UPRT: variants seen among roughly 807,000 people sequenced by gnomAD.
UPRT encodes RP11-311P8.3.
Under a neutral mutation model 22.6 loss-of-function variants are expected in UPRT, and 5 were observed. That is an observed-to-expected ratio of 0.22 (90% CI 0.12 to 0.47). UPRT has a LOEUF of 0.47. Ranked by LOEUF, UPRT falls within the 20% of genes least tolerant of loss-of-function variation. UPRT has a pLI of 0.99. For missense variants in UPRT, 181 were observed against 239.9 expected (o/e 0.75, Z 1.62); for synonymous variants, 77 against 87.7 (o/e 0.88, Z 0.68).
chrX:75,191,884 A>C (rs969638729), intron 4 of UPRT, among the ~76,000 whole-genome samples: 3 of 111,318 alleles, frequency 2.7e-5, no homozygotes, highest in African/African-American at 9.8e-5. Flanking sequence ...TAGGAAAGGG[A>C]ATTCCCTGAC....
At chrX:75,198,172 C>G (rs2082338038) in intron 4 of UPRT, among the ~76,000 whole-genome samples, 2 of 112,530 alleles carry the variant, frequency 1.8e-5, no homozygotes, top group South Asian at 7.2e-4. Flanking sequence ...ATAGAAGGGA[C>G]TGAATTACTG....
chrX:75,272,766 G>A (rs1053876787), upstream of UPRT, among the ~76,000 whole-genome samples: 1 of 110,114 alleles, frequency 9.1e-6, no homozygotes, highest in East Asian at 2.9e-4. Context: ...AATCTGTATA[G>A]GCATGTTAAA....
intron 4 of UPRT, among the ~76,000 whole-genome samples, chrX:75,256,987 G>T (rs1256079076): frequency 3.6e-5 from 4 of 111,906 alleles, no homozygotes; most frequent in African/African-American, 1.3e-4. Context: ...CCACAAGATA[G>T]AGAAAGAGGG....
At chrX:75,297,028 A>G (rs1383030500) in intron 3 of UPRT, among the ~76,000 whole-genome samples, 1 of 111,665 alleles carries the variant, frequency 9.0e-6, no homozygotes, top group Non-Finnish European at 1.9e-5. Context: ...GCATGTCTTA[A>G]TAACTATTTC....
intron 3 of UPRT, among the ~76,000 whole-genome samples, chrX:75,165,506 G>C (rs1450580243): frequency 1.8e-5 from 2 of 111,288 alleles, no homozygotes; most frequent in Non-Finnish European, 3.8e-5. Flanking sequence ...TTGAAACTAA[G>C]AAGAATCCAC....
chrX:75,284,289 C>G (rs904498015), intron 1 of UPRT, among the ~76,000 whole-genome samples: 6 of 111,521 alleles, frequency 5.4e-5, no homozygotes, highest in Non-Finnish European at 1.1e-4. Flanking sequence ...CTGAATTCCT[C>G]TTCAGGTAAA....
At chrX:75,207,594 T>TGAATAAGGCATGCACCTGCTGTAACCG (rs2082370461) in intron 4 of UPRT, among the ~76,000 whole-genome samples, 1 of 111,603 alleles carries the variant, frequency 9.0e-6, no homozygotes, top group South Asian at 3.8e-4. Flanking sequence ...GGGTTTCCTA[T>TGAATAAGGCATGCACCTGCTGTAACCG]GAATAAGGCA....
chrX:75,183,238 G>A (rs1051694320), intron 4 of UPRT, among the ~76,000 whole-genome samples: 1 of 110,288 alleles, frequency 9.1e-6, no homozygotes, highest in Non-Finnish European at 1.9e-5. Context: ...TGTTCTCACT[G>A]TTTAATTCCC....
chrX:75,159,860 T>G (rs1279846930), intron 1 of UPRT, among the ~76,000 whole-genome samples: 1 of 105,971 alleles, frequency 9.4e-6, no homozygotes, highest in Non-Finnish European at 1.9e-5. Flanking sequence ...CACTGCAACT[T>G]TCGCCTCCCG....
chrX:75,180,026 G>A (rs1429837093), intron 4 of UPRT, among the ~76,000 whole-genome samples: 2 of 112,781 alleles, frequency 1.8e-5, no homozygotes, highest in Non-Finnish European at 3.8e-5. Context: ...CCCAGGCAGA[G>A]GAGGTGCCAA....
chrX:75,252,597 C>G (rs1199019103), intron 4 of UPRT, among the ~76,000 whole-genome samples: 1 of 111,999 alleles, frequency 8.9e-6, no homozygotes, highest in African/African-American at 3.2e-5. Context: ...GTTGGTGGGA[C>G]TGTAAACTAG....
chrX:75,294,529 A>C, intron 2 of UPRT: 23 of 944,379 alleles, frequency 2.4e-5, no homozygotes, highest in Non-Finnish European at 3.0e-5. Flanking sequence ...GATTAAAAGG[A>C]ATGTGAAAAA....
At chrX:75,191,821 A>C (rs766118204) in intron 4 of UPRT, among the ~76,000 whole-genome samples, 2 of 111,789 alleles carry the variant, frequency 1.8e-5, no homozygotes, top group Non-Finnish European at 3.8e-5. Context: ...AGAGCGTATT[A>C]GGGTGGGAGT....
At chrX:75,240,583 A>G (rs1282226895) in intron 4 of UPRT, among the ~76,000 whole-genome samples, 3 of 111,709 alleles carry the variant, frequency 2.7e-5, no homozygotes, top group Non-Finnish European at 5.7e-5. Flanking sequence ...CAACAATTCT[A>G]AAATTTATAT....
Position 75,274,231 on chromosome X carries a change from CG to C in UPRT, c.-20del, listed in dbSNP as rs1183834235. The C allele has an allele frequency of 8.5e-7, 1 of 1,180,229 alleles. No individual in the cohort carries two copies. The highest frequency in any genetic ancestry group is 1.1e-6 in the Non-Finnish European group (1 of 878,452). On this transcript the variant is annotated 5_prime_UTR_variant, in exon 1 of 7. Transcript: ENST00000373383. ...CTTTATCTTTAGTGTTCAGTAGCAG[CG>C]GGGATAGCCCGGGGCCCGGTGTATG...
intron 4 of UPRT, among the ~76,000 whole-genome samples, chrX:75,256,221 C>T (rs1041319558): frequency 2.7e-5 from 3 of 111,926 alleles, no homozygotes; most frequent in African/African-American, 9.7e-5. Context: ...ACCTTCAAAA[C>T]TATGCAAATA....
chrX:75,282,254 T>G, intron 1 of UPRT, among the ~76,000 whole-genome samples: 1 of 110,960 alleles, frequency 9.0e-6, no homozygotes, highest in Non-Finnish European at 1.9e-5. Flanking sequence ...TTTGCTTCAA[T>G]TTCACTTAGT....
chrX:75,226,888 G>A (rs1373589097), intron 4 of UPRT, among the ~76,000 whole-genome samples: 1 of 111,031 alleles, frequency 9.0e-6, no homozygotes, highest in Non-Finnish European at 1.9e-5. Context: ...CACAAAGTTG[G>A]TTCTCAATAA....
intron 4 of UPRT, among the ~76,000 whole-genome samples, chrX:75,180,681 G>GTTTTTTTTTTTTCT (rs2082266200): frequency 2.3e-5 from 1 of 43,891 alleles, no homozygotes; most frequent in Non-Finnish European, 3.8e-5. Context: ...CCTTTTCTCT[G>GTTTTTTTTTTTTCT]TTTTTTTTTT....
Sources: gnomAD v4.1 joint callset for allele counts (sites outside exome capture counted in the v4.1 genomes callset) on GRCh38, gnomAD v4.1.1 for gene constraint, MANE v1.5 for transcripts, NCBI Gene and HGNC (gene_info 2026-07-23, HGNC 2026-07-21) for gene names.